PITPNC1: variants seen among roughly 807,000 people sequenced by gnomAD.
The protein encoded by PITPNC1 is cytoplasmic phosphatidylinositol transfer protein 1.
A neutral mutation model predicts 44.7 loss-of-function variants in PITPNC1; 18 were observed. The ratio of observed to expected loss-of-function variants is 0.40; its 90% CI spans 0.28 to 0.60. The LOEUF (loss-of-function observed/expected upper bound fraction) is 0.60, where lower values mean the gene tolerates loss of function less well. PITPNC1 is among the 20% of genes least tolerant of loss of function. The probability of loss-of-function intolerance (pLI) is 0.39; values close to 1 mark genes in which losing one functional copy is unlikely to be tolerated. For missense variants in PITPNC1, 290 were observed against 418.4 expected (o/e 0.69, Z 2.68); for synonymous variants, 141 against 149.6 (o/e 0.94, Z 0.42).
intron 1 of PITPNC1, among the ~76,000 whole-genome samples, chr17:67,446,398 A>C (rs1210288090): frequency 2.6e-5 from 4 of 151,692 alleles, no homozygotes; most frequent in Admixed American, 6.6e-5. Context: ...AAGAAGGAAG[A>C]AATTCTTCTG....
At chr17:67,498,584 T>G (rs773571491) in intron 1 of PITPNC1, among the ~76,000 whole-genome samples, 14 of 152,200 alleles carry the variant, frequency 9.2e-5, no homozygotes, top group Admixed American at 5.2e-4. Context: ...CTGGATCATG[T>G]GGTAGTTCCA....
Position 67,652,872 on chromosome 17 carries a change from C to T in PITPNC1, c.463-16636C>T, listed in dbSNP as rs1161933044. ...GTGTCCCCCCAGAAAGCTAGGTTGA[C>T]GTCCTAACCCCCAGAATGTGAACTT... On this transcript the variant is annotated intron_variant, in intron 6 of 8. Transcript: ENST00000581322. Among the ~76,000 whole-genome samples the T allele has an allele frequency of 2.0e-5, 3 of 152,298 alleles. No individual in the cohort carries two copies. In the East Asian group the frequency reaches 5.8e-4, roughly 29 times the overall value.
chr17:67,670,132 T>C (rs1330085873), intron 7 of PITPNC1, among the ~76,000 whole-genome samples: 1 of 152,040 alleles, frequency 6.6e-6, no homozygotes, highest in Admixed American at 6.6e-5. Flanking sequence ...TGGATGAAAA[T>C]GCATTTTATG....
rs529301494 is a variant in PITPNC1 at position 67,521,807 on chromosome 17, G to A, written c.49-10995G>A. On this transcript the variant is annotated intron_variant, in intron 1 of 8. Transcript: ENST00000581322. ...TTCGGGATAAGGAGCAACTGGAGAC[G>A]GTCGACTGTGAATGTGATGTTCATG... 3.7e-4 allele frequency among the ~76,000 whole-genome samples: 57 copies of A among 152,284 alleles called. 1 individual carries two copies. Among genetic ancestry groups the A allele is most frequent in the African/African-American group, 1.3e-3 (54 of 41,568 alleles).
At chr17:67,523,887 C>T (rs2144113038) in intron 1 of PITPNC1, among the ~76,000 whole-genome samples, 1 of 146,956 alleles carries the variant, frequency 6.8e-6, no homozygotes, top group South Asian at 2.3e-4. Context: ...TCTCTGCTCA[C>T]TGCAACCTCC....
chr17:67,622,866 T>TAA (rs112921919), intron 5 of PITPNC1, among the ~76,000 whole-genome samples: 1 of 147,978 alleles, frequency 6.8e-6, no homozygotes, highest in Non-Finnish European at 1.5e-5. Flanking sequence ...ACTCTGTCTT[T>TAA]AAAAAAAAAA....
At chr17:67,605,796 G>C (rs993234478) in intron 5 of PITPNC1, among the ~76,000 whole-genome samples, 2 of 152,164 alleles carry the variant, frequency 1.3e-5, no homozygotes, top group Non-Finnish European at 2.9e-5. Flanking sequence ...AACACTTGTG[G>C]AGCTCCTTTT....
intron 1 of PITPNC1, among the ~76,000 whole-genome samples, chr17:67,513,489 GTATATATATA>G (rs571272051): frequency 5.0e-5 from 7 of 138,670 alleles, no homozygotes; most frequent in Admixed American, 1.5e-4. Flanking sequence ...GTGTGTGTGT[GTATATATATA>G]TATATATATA....
At chr17:67,681,584 AGG>A (rs1251220692) in intron 8 of PITPNC1, among the ~76,000 whole-genome samples, 1 of 133,970 alleles carries the variant, frequency 7.5e-6, no homozygotes, top group African/African-American at 2.8e-5. Flanking sequence ...ACTCCAGCCT[AGG>A]TGACAGAGCA....
chr17:67,691,633 C>T (rs185929441), intron 8 of PITPNC1, among the ~76,000 whole-genome samples: 69 of 152,250 alleles, frequency 4.5e-4, no homozygotes, highest in Admixed American at 2.4e-3. Flanking sequence ...TTCTTAGGAT[C>T]GACACACAGT....
At chr17:67,496,957 T>G (rs943448682) in intron 1 of PITPNC1, among the ~76,000 whole-genome samples, 1 of 151,250 alleles carries the variant, frequency 6.6e-6, no homozygotes, top group African/African-American at 2.4e-5. Flanking sequence ...GACCCTATAC[T>G]GTGCATTTAT....
chr17:67,647,464 G>GTTTTTTTTTTTTTTTTTTTTT (rs60407940), intron 6 of PITPNC1, among the ~76,000 whole-genome samples: 2 of 72,326 alleles, frequency 2.8e-5, no homozygotes, highest in African/African-American at 9.0e-5. Flanking sequence ...CTAATTTTGG[G>GTTTTTTTTTTTTTTTTTTTTT]TTTTTTTTTT....
At chr17:67,419,462 G>A (rs2038636514) in intron 1 of PITPNC1, among the ~76,000 whole-genome samples, 1 of 152,150 alleles carries the variant, frequency 6.6e-6, no homozygotes, top group African/African-American at 2.4e-5. Context: ...GGTGGGTTCA[G>A]TACCTCCTTT....
chr17:67,608,242 A>C (rs2041635762), intron 5 of PITPNC1, among the ~76,000 whole-genome samples: 1 of 145,702 alleles, frequency 6.9e-6, no homozygotes, highest in Non-Finnish European at 1.5e-5. Context: ...ATTAAAAAAA[A>C]AAAACAAAAA....
rs530833644 is a variant in PITPNC1, at chr17:67,649,822, A to T, written c.462+17584A>T. Among the ~76,000 whole-genome samples, 6 of 152,162 alleles carry T rather than the reference A, an allele frequency of 3.9e-5. No individual in the cohort carries two copies. The East Asian group carries it at 1.2e-3, about 29-fold the overall frequency. ...AAAGGCTCACAGAACTCAGGAAAACATTTACTTAGATTTACCAGTTTATTA... is the reference window on the plus strand; with the variant it reads ...AAAGGCTCACAGAACTCAGGAAAACTTTTACTTAGATTTACCAGTTTATTA... On this transcript the variant is annotated intron_variant, in intron 6 of 8. Transcript: ENST00000581322.
chr17:67,460,791 C>T (rs1188587320), intron 1 of PITPNC1, among the ~76,000 whole-genome samples: 1 of 140,436 alleles, frequency 7.1e-6, no homozygotes, highest in African/African-American at 2.7e-5. Context: ...GTCACCCAGG[C>T]TGGAATGCAG....
intron 1 of PITPNC1, among the ~76,000 whole-genome samples, chr17:67,501,683 T>C (rs1258717127): frequency 6.6e-6 from 1 of 151,984 alleles, no homozygotes; most frequent in East Asian, 1.9e-4. Context: ...AATACAAAAA[T>C]GAGCCGGGAT....
Position 67,458,067 on chromosome 17 carries a change from A to ACT in PITPNC1, c.49-74733_49-74732dup, listed in dbSNP as rs779286278. On this transcript the variant is annotated intron_variant, in intron 1 of 8. Coordinates refer to ENST00000581322, the MANE Select transcript of PITPNC1 (RefSeq NM_012417.4). ...TTTCATGGATGACATTGGCTCCTGG[A>ACT]CTCCCCATCAGTGTGACCAAACTTT... 3.9e-5 allele frequency among the ~76,000 whole-genome samples: 6 copies of ACT among 151,914 alleles called. 1 individual carries two copies. In the East Asian group the frequency reaches 7.7e-4, roughly 20 times the overall value.
chr17:67,608,276 C>A (rs1347227118), intron 5 of PITPNC1, among the ~76,000 whole-genome samples: 1 of 138,842 alleles, frequency 7.2e-6, no homozygotes, highest in Non-Finnish European at 1.6e-5. Context: ...AAAACCACTT[C>A]CTAACTTGCC....
Sources: allele counts gnomAD v4.1 joint callset (sites outside exome capture counted in the v4.1 genomes callset), GRCh38; gene constraint gnomAD v4.1.1; transcripts MANE v1.5; gene names NCBI Gene and HGNC (gene_info 2026-07-23, HGNC 2026-07-21).